Variants in OTUD7A observed in about 807,000 individuals in gnomAD.
OTUD7A encodes the protein OTU domain-containing protein 7A.
Under a neutral mutation model 65.7 loss-of-function variants are expected in OTUD7A, and 12 were observed. That is an observed-to-expected ratio of 0.18 (90% confidence interval 0.12 to 0.30). The LOEUF is 0.30. OTUD7A is among the 10% of genes least tolerant of loss of function. OTUD7A has a pLI of 1.00. For synonymous variants in OTUD7A, 641 were observed against 586.3 expected (o/e 1.09, Z -1.35); for missense variants, 1,148 against 1,304.8 (o/e 0.88, Z 1.85).
intron 1 of OTUD7A, among the ~76,000 whole-genome samples, chr15:31,762,978 A>T (rs1895008211): frequency 6.6e-6 from 1 of 152,192 alleles, no homozygotes. Flanking sequence ...ACGTAAGAAT[A>T]AACAAATGTA....
chr15:31,862,529 T>C (rs1306987712), intron 1 of OTUD7A, among the ~76,000 whole-genome samples: 1 of 152,292 alleles, frequency 6.6e-6, no homozygotes, highest in Non-Finnish European at 1.5e-5. Flanking sequence ...AGGCACTTCT[T>C]ACATGGCAGT....
At position 31,487,290 on chromosome 15, in the gene OTUD7A, A is replaced by C; in HGVS notation, c.1287-12T>G. ...GCGACAGGATAAGGCTGGCAAGAGAAGAATATCCTATTGAAATGGTCTGAG... is the reference window on the plus strand; with the variant it reads ...GCGACAGGATAAGGCTGGCAAGAGACGAATATCCTATTGAAATGGTCTGAG... On this transcript the variant is annotated splice_polypyrimidine_tract_variant and intron_variant, in intron 11 of 12. Transcript: ENST00000307050. The surrounding 1 kb of genome is among the most constrained non-coding windows in gnomAD (Gnocchi z 6.0). 1 of 1,613,544 alleles carries C rather than the reference A, an allele frequency of 6.2e-7. No homozygotes were observed. Among genetic ancestry groups the C allele is most frequent in the Non-Finnish European group, 8.5e-7 (1 of 1,179,508 alleles).
intron 1 of OTUD7A, among the ~76,000 whole-genome samples, chr15:31,815,714 C>T (rs1372959453): frequency 9.2e-5 from 14 of 152,224 alleles, no homozygotes; most frequent in African/African-American, 3.4e-4. Context: ...TCTCCCACCA[C>T]GGGCCATCTT....
intron 1 of OTUD7A, among the ~76,000 whole-genome samples, chr15:31,743,433 G>C (rs920170341): frequency 2.3e-4 from 35 of 151,996 alleles, no homozygotes; most frequent in African/African-American, 1.7e-4. Context: ...ATATAATTTT[G>C]GTAATGCAGC....
At chr15:31,615,675 A>C (rs894406572) in intron 3 of OTUD7A, among the ~76,000 whole-genome samples, 5 of 152,214 alleles carry the variant, frequency 3.3e-5, no homozygotes, top group Non-Finnish European at 7.3e-5. Flanking sequence ...GTTTACCAAA[A>C]TTGATCATAT....
intron 1 of OTUD7A, among the ~76,000 whole-genome samples, chr15:31,803,760 G>A (rs1020035657): frequency 1.3e-5 from 2 of 152,192 alleles, no homozygotes; most frequent in Non-Finnish European, 2.9e-5. Flanking sequence ...TGAGAGCAAC[G>A]CTTTAATGCA....
intron 3 of OTUD7A, among the ~76,000 whole-genome samples, chr15:31,576,125 A>G (rs1380339321): frequency 6.6e-6 from 1 of 152,178 alleles, no homozygotes; most frequent in African/African-American, 2.4e-5. Flanking sequence ...GATAAAAAAC[A>G]CTACATACCT....
At chr15:31,514,473 T>C (rs1439503787) in intron 8 of OTUD7A, among the ~76,000 whole-genome samples, 1 of 152,218 alleles carries the variant, frequency 6.6e-6, no homozygotes, top group Non-Finnish European at 1.5e-5. Context: ...TCCATGTTTA[T>C]TTTCATCTTT....
chr15:31,618,123 G>T (rs1331568060), intron 3 of OTUD7A, among the ~76,000 whole-genome samples: 1 of 152,092 alleles, frequency 6.6e-6, no homozygotes, highest in East Asian at 1.9e-4. Flanking sequence ...ATTTTTTATG[G>T]CTGCATAGTA....
At chr15:31,810,181 T>A (rs902961678) in intron 1 of OTUD7A, among the ~76,000 whole-genome samples, 9 of 152,160 alleles carry the variant, frequency 5.9e-5, no homozygotes, top group African/African-American at 1.7e-4. Flanking sequence ...ACACTCATAG[T>A]TCTACGGAGC....
At chr15:31,748,105 C>T (rs1894528255) in intron 1 of OTUD7A, among the ~76,000 whole-genome samples, 1 of 151,922 alleles carries the variant, frequency 6.6e-6, no homozygotes, top group African/African-American at 2.4e-5. Context: ...AAAATAATGG[C>T]TATAAAAGAC....
chr15:31,516,091 T>C (rs1174986922), intron 8 of OTUD7A, among the ~76,000 whole-genome samples: 3 of 152,222 alleles, frequency 2.0e-5, no homozygotes, highest in Admixed American at 2.0e-4. Context: ...GGCAAAGGCA[T>C]GGAGTTGGAC....
At chr15:31,760,428 ACTCT>A (rs1246106143) in intron 1 of OTUD7A, among the ~76,000 whole-genome samples, 1 of 152,116 alleles carries the variant, frequency 6.6e-6, no homozygotes, top group Admixed American at 6.6e-5. Flanking sequence ...ATTTATCTAT[ACTCT>A]CTGTCACCAA....
chr15:31,622,063 C>T (rs1354973566), intron 3 of OTUD7A, among the ~76,000 whole-genome samples: 1 of 152,056 alleles, frequency 6.6e-6, no homozygotes, highest in Non-Finnish European at 1.5e-5. Context: ...GTTGAAAATT[C>T]TTTTCTTTAA....
At chr15:31,562,595 T>TAA (rs537467102) in intron 4 of OTUD7A, among the ~76,000 whole-genome samples, 1 of 144,754 alleles carries the variant, frequency 6.9e-6, no homozygotes. Context: ...AACTGTGAGT[T>TAA]AAAAAAAAAA....
chr15:31,740,823 C>CA, intron 1 of OTUD7A, among the ~76,000 whole-genome samples: 1 of 152,108 alleles, frequency 6.6e-6, no homozygotes, highest in East Asian at 1.9e-4. Context: ...ACAGAAAGGA[C>CA]AAAATTAAAA....
At chr15:31,804,044 T>C (rs1221705722) in intron 1 of OTUD7A, among the ~76,000 whole-genome samples, 1 of 152,166 alleles carries the variant, frequency 6.6e-6, no homozygotes, top group African/African-American at 2.4e-5. Context: ...ACAGGGGGGA[T>C]GAAACAAAAC....
Position 31,475,562 on chromosome 15 carries a change from CA to C in OTUD7A, c.*7731del, listed in dbSNP as rs1284297213. ...ATTCTTCTATAAAAAGTGCAGTAGTCATTACTGGAAGTTTTCCAAAATGAAA... is the reference window on the plus strand; with the variant it reads ...ATTCTTCTATAAAAAGTGCAGTAGTCTTACTGGAAGTTTTCCAAAATGAAA... On this transcript the variant is annotated 3_prime_UTR_variant, in exon 13 of 13. Transcript: ENST00000307050. The C allele has an allele frequency of 1.3e-5, 2 of 152,176 alleles. No homozygotes were observed. Among genetic ancestry groups the C allele is most frequent in the Non-Finnish European group, 1.5e-5 (1 of 68,030 alleles). The allele number at this position is 152,176 out of a possible 1,614,324, so 9.4% of individuals were successfully genotyped here. A position where few individuals can be genotyped will look rare whatever the true frequency, so the allele number is the denominator to read the frequency against.
chr15:31,767,670 G>A (rs981905241), intron 1 of OTUD7A: 9 of 747,688 alleles, frequency 1.2e-5, no homozygotes, highest in East Asian at 9.9e-5. Context: ...TCCTGGCTTA[G>A]TTCTCTATCA....
Sources: gnomAD v4.1 joint callset for allele counts (sites outside exome capture counted in the v4.1 genomes callset) on GRCh38, gnomAD v4.1.1 for gene constraint, Gnocchi (gnomAD v3.1) non-coding constraint, MANE v1.5 for transcripts, NCBI Gene and HGNC (gene_info 2026-07-23, HGNC 2026-07-21) for gene names.